Variants in NFATC2 observed in about 807,000 individuals in gnomAD.
The protein encoded by NFATC2 is nuclear factor of activated T cells 2, also known as nuclear factor of activated T-cells, cytoplasmic 2.
A neutral mutation model predicts 87.3 loss-of-function variants in NFATC2; 22 were observed. The ratio of observed to expected loss-of-function variants is 0.25; its 90% CI spans 0.18 to 0.36. The LOEUF (loss-of-function observed/expected upper bound fraction) is 0.36. Ranked by LOEUF, NFATC2 falls within the 10% of genes least tolerant of loss-of-function variation. The pLI, the probability that NFATC2 is intolerant of heterozygous loss-of-function variation, is 1.00. For missense variants in NFATC2, 1,149 were observed against 1,259.1 expected (o/e 0.91, Z 1.32); for synonymous variants, 565 against 542.2 (o/e 1.04, Z -0.58).
At chr20:51,469,262 C>A (rs757946970) in intron 5 of NFATC2, among the ~76,000 whole-genome samples, 2 of 152,148 alleles carry the variant, frequency 1.3e-5, no homozygotes, top group Non-Finnish European at 2.9e-5. Flanking sequence ...AGCGATCGTC[C>A]GGCCTTAGCC....
At chr20:51,516,757 C>CA (rs757672154) in intron 3 of NFATC2, 27 bp downstream of exon 3, 2 of 1,570,328 alleles carry the variant, frequency 1.3e-6, no homozygotes, top group Admixed American at 3.8e-5. Flanking sequence ...ACACCACACA[C>CA]AAAAGGAAGA....
chr20:51,542,437 C>G lies in NFATC2; in HGVS notation c.63G>C (p.Gly21=), dbSNP rs1568749744. ...AGTCAAGCTCGTCTTGGGGGCTGCC[C>G]CCAGGCTCGTGGCCTGGGGCGTCCC... ...DGGDAPGHEP[G]GSPQDELDFS... Residue 21 remains glycine, a synonymous_variant, in exon 1 of 11, where the codon GGG becomes GGC. Coordinates refer to ENST00000371564, the MANE Select transcript of NFATC2 (RefSeq NM_012340.5). 1 of 1,597,874 alleles carries G rather than the reference C, an allele frequency of 6.3e-7. No individual in the cohort carries two copies. The highest frequency in any genetic ancestry group is 8.5e-7 in the Non-Finnish European group (1 of 1,173,090).
intron 6 of NFATC2, among the ~76,000 whole-genome samples, chr20:51,447,449 T>G (rs1220274745): frequency 6.6e-6 from 1 of 152,168 alleles, no homozygotes; most frequent in African/African-American, 2.4e-5. Flanking sequence ...GGGCCTGAAT[T>G]AAGAAGGATT....
At chr20:51,517,052 C>G in intron 2 of NFATC2, 97 bp from the exon 3 acceptor site, 2 of 1,223,950 alleles carry the variant, frequency 1.6e-6, no homozygotes, top group Non-Finnish European at 2.3e-6. Context: ...ATCATGGATA[C>G]AGTCATGTAT....
At chr20:51,504,715 C>T (rs1012707461) in intron 3 of NFATC2, among the ~76,000 whole-genome samples, 5 of 152,152 alleles carry the variant, frequency 3.3e-5, no homozygotes, top group African/African-American at 7.2e-5. Context: ...TCCTGTGTAA[C>T]CTTAGACAAG....
Position 51,524,143 on chromosome 20 carries a change from A to G in NFATC2, c.131-33T>C, listed in dbSNP as rs765107966. ...GAGAAGGGGGAAGGGGGTTCTTTTT[A>G]AGCCTCAAAAACAGAACTCCCGGTG... On this transcript the variant is annotated intron_variant, in intron 1 of 10. Transcript: ENST00000371564. The surrounding 1 kb of genome is among the most constrained non-coding windows in gnomAD (Gnocchi z 4.0). 9.8e-6 allele frequency: 14 copies of G among 1,429,202 alleles called. No homozygotes were observed. The highest frequency in any genetic ancestry group is 1.2e-5 in the Non-Finnish European group (13 of 1,091,946). The allele number at this position is 1,429,202 out of a possible 1,614,324, so 88.5% of individuals were successfully genotyped here. A position where few individuals can be genotyped will look rare whatever the true frequency, so the allele number is the denominator to read the frequency against.
At chr20:51,468,480 G>T (rs189818532) in intron 5 of NFATC2, among the ~76,000 whole-genome samples, 1 of 152,326 alleles carries the variant, frequency 6.6e-6, no homozygotes, top group East Asian at 1.9e-4. Context: ...GTGTGAAATT[G>T]CTTTACGTGT....
chr20:51,555,771 C>A (rs2076973213), intron 1 of NFATC2, among the ~76,000 whole-genome samples: 1 of 152,120 alleles, frequency 6.6e-6, no homozygotes, highest in Non-Finnish European at 1.5e-5. Flanking sequence ...GCTCTTCCTC[C>A]AGACATCTTT....
intron 2 of NFATC2, among the ~76,000 whole-genome samples, chr20:51,517,965 C>A (rs2076381961): frequency 6.6e-6 from 1 of 151,924 alleles, no homozygotes; most frequent in South Asian, 2.1e-4. Flanking sequence ...CGGGACCACC[C>A]CCACATATGG....
Position 51,514,906 on chromosome 20 carries a change from G to A in NFATC2, c.1332+1878C>T, listed in dbSNP as rs553761540. 1.1e-4 allele frequency among the ~76,000 whole-genome samples: 16 copies of A among 152,226 alleles called. 1 individual carries two copies. The South Asian group carries it at 2.7e-3, about 26-fold the overall frequency. On this transcript the variant is annotated intron_variant, in intron 3 of 10. Transcript: ENST00000371564. ...CATATATATATTACATAAGGCAATTGCTCTCAGGATTGGACGGCAGGAATC... is the reference window on the plus strand; with the variant it reads ...CATATATATATTACATAAGGCAATTACTCTCAGGATTGGACGGCAGGAATC...
intron 4 of NFATC2, 109 bp from the exon 5 acceptor site, chr20:51,474,261 C>T: frequency 2.3e-6 from 3 of 1,287,062 alleles, no homozygotes; most frequent in Admixed American, 2.3e-5. Flanking sequence ...CTGCAATACA[C>T]TCACATAAGC....
intron 9 of NFATC2, among the ~76,000 whole-genome samples, chr20:51,431,156 G>C (rs1982647580): frequency 6.6e-6 from 1 of 151,972 alleles, no homozygotes; most frequent in Admixed American, 6.6e-5. Flanking sequence ...ATATATACCT[G>C]CTCTATATCC....
chr20:51,524,199 C>T lies in NFATC2; in HGVS notation c.131-89G>A, dbSNP rs575740472. On this transcript the variant is annotated intron_variant, in intron 1 of 10. Coordinates refer to ENST00000371564, the MANE Select transcript of NFATC2 (RefSeq NM_012340.5). The surrounding 1 kb of genome is among the most constrained non-coding windows in gnomAD (Gnocchi z 4.0). The stretch of plus-strand genomic sequence containing the variant: ...CAATCACAGGCTGGATTTCGTCTCA[C>T]GTCGTTTATTTTTTTCAAATTCCCA... The T allele has an allele frequency of 2.0e-5, 25 of 1,230,786 alleles. No individual in the cohort carries two copies. The Admixed American group carries it at 3.7e-4, about 18-fold the overall frequency. 76.2% of individuals were successfully genotyped at this position (1,230,786 alleles called of 1,614,324 possible). A position where few individuals can be genotyped will look rare whatever the true frequency, so the allele number is the denominator to read the frequency against.
intron 9 of NFATC2, among the ~76,000 whole-genome samples, chr20:51,430,547 G>GTGGGGCA (rs1982552843): frequency 6.6e-6 from 1 of 152,216 alleles, no homozygotes; most frequent in African/African-American, 2.4e-5. Flanking sequence ...CTAGAGGTCA[G>GTGGGGCA]CCTTGTAAGG....
chr20:51,534,303 A>T (rs1395627525), intron 1 of NFATC2, among the ~76,000 whole-genome samples: 1 of 152,186 alleles, frequency 6.6e-6, no homozygotes, highest in Non-Finnish European at 1.5e-5. Context: ...TGTAGCATGC[A>T]CGTGTGTCTA....
intron 3 of NFATC2, among the ~76,000 whole-genome samples, chr20:51,485,369 G>C (rs994022658): frequency 6.6e-6 from 1 of 152,166 alleles, no homozygotes; most frequent in Non-Finnish European, 1.5e-5. Context: ...TCCACTCTCA[G>C]CTTCCAGCTT....
At chr20:51,521,407 G>T (rs1053814481) in intron 2 of NFATC2, among the ~76,000 whole-genome samples, 2 of 151,996 alleles carry the variant, frequency 1.3e-5, no homozygotes, top group African/African-American at 4.8e-5. Flanking sequence ...TGCAACCTCC[G>T]CCTCCCAGGT....
intron 1 of NFATC2, among the ~76,000 whole-genome samples, chr20:51,532,283 C>A (rs890760747): frequency 1.1e-4 from 16 of 152,076 alleles, no homozygotes; most frequent in African/African-American, 3.6e-4. Context: ...TTCTAAGTAG[C>A]AGAGCCAAGA....
At chr20:51,420,605 A>C (rs1180706778) in intron 9 of NFATC2, among the ~76,000 whole-genome samples, 1 of 152,192 alleles carries the variant, frequency 6.6e-6, no homozygotes, top group African/African-American at 2.4e-5. Context: ...AAGAACCTCT[A>C]GATTTAATCT....
Sources: allele counts gnomAD v4.1 joint callset (sites outside exome capture counted in the v4.1 genomes callset), GRCh38; gene constraint gnomAD v4.1.1; non-coding constraint Gnocchi (gnomAD v3.1); transcripts MANE v1.5; gene names NCBI Gene and HGNC (gene_info 2026-07-23, HGNC 2026-07-21).